DOCK4: variants seen among roughly 807,000 people sequenced by gnomAD.
DOCK4 encodes the protein dedicator of cytokinesis 4.
Under a neutral mutation model 268.1 loss-of-function variants are expected in DOCK4, and 97 were observed. The observed-to-expected ratio is 0.36, with a 90% CI of 0.31 to 0.43. DOCK4 has a LOEUF of 0.43. Among genes scored for constraint, DOCK4 ranks in the 20% least tolerant of loss-of-function variants. DOCK4 has a pLI of 1.00. For missense variants in DOCK4, 2,145 were observed against 2,455.7 expected, an observed-to-expected ratio of 0.87 and a Z score of 2.67; for synonymous variants, 954 against 887.2, an observed-to-expected ratio of 1.08 and a Z score of -1.34.
chr7:111,849,170 G>A (rs925224979), intron 23 of DOCK4, among the ~76,000 whole-genome samples: 9 of 151,406 alleles, frequency 5.9e-5, no homozygotes, highest in Admixed American at 3.3e-4. Context: ...CGAATTCTTT[G>A]TTCAGAATGC....
intron 5 of DOCK4, among the ~76,000 whole-genome samples, chr7:111,993,536 A>T (rs1799698248): frequency 6.6e-6 from 1 of 152,128 alleles, no homozygotes; most frequent in South Asian, 2.1e-4. Flanking sequence ...TGTGATCATC[A>T]TTATTATTTC....
chr7:111,873,364 G>A (rs1441611988), intron 17 of DOCK4, among the ~76,000 whole-genome samples: 1 of 152,212 alleles, frequency 6.6e-6, no homozygotes, highest in African/African-American at 2.4e-5. Flanking sequence ...AGTCTCCAAC[G>A]CATGCAGGGA....
Position 111,758,769 on chromosome 7 carries a change from G to A in DOCK4, c.4184C>T (p.Thr1395Ile), listed in dbSNP as rs1192444310. 1.9e-6 allele frequency: 3 copies of A among 1,613,770 alleles called. No homozygotes were observed. The African/African-American group carries it at 4.0e-5, about 22-fold the overall frequency. The change falls in exon 41 of 53, where the codon ACT becomes ATT. Residue 1395 changes from threonine (T) to isoleucine (I), a missense_variant. Thr to Ile is a moderately conservative substitution (Grantham distance 89). Coordinates refer to ENST00000428084, the MANE Select transcript of DOCK4 (RefSeq NM_001363540.2). The part of the protein sequence containing the change: ...EAQYLQIYAV[T>I]PIPESQEVLQ... ...GACCTCCTGGCTCTCTGGAATGGGA[G>A]TCACAGCATATATCTGCAAATCTAG...
intron 26 of DOCK4, among the ~76,000 whole-genome samples, chr7:111,830,866 T>C (rs1185292083): frequency 6.6e-6 from 1 of 151,908 alleles, no homozygotes; most frequent in Non-Finnish European, 1.5e-5. Flanking sequence ...GCCCATCAGG[T>C]TCACCAACAA....
At chr7:112,195,996 TCTCCC>T (rs1820390599) in intron 1 of DOCK4, among the ~76,000 whole-genome samples, 1 of 152,220 alleles carries the variant, frequency 6.6e-6, no homozygotes, top group East Asian at 1.9e-4. Context: ...AATGTCATGC[TCTCCC>T]CTCTTCCTCA....
intron 26 of DOCK4, among the ~76,000 whole-genome samples, chr7:111,832,983 A>C (rs1016241324): frequency 1.3e-5 from 2 of 152,238 alleles, no homozygotes; most frequent in Admixed American, 1.3e-4. Flanking sequence ...CTGGATAATT[A>C]GTCATGTCTT....
At chr7:112,173,790 G>A (rs939177591) in intron 1 of DOCK4, among the ~76,000 whole-genome samples, 6 of 152,116 alleles carry the variant, frequency 3.9e-5, no homozygotes, top group Non-Finnish European at 8.8e-5. Context: ...ATTCCACGTG[G>A]AAAATAGCCA....
intron 16 of DOCK4, among the ~76,000 whole-genome samples, chr7:111,890,127 C>T (rs1808172303): frequency 6.6e-6 from 1 of 152,186 alleles, no homozygotes; most frequent in Admixed American, 6.5e-5. Context: ...TCCTAGGCCC[C>T]TCTTTTTGGA....
At chr7:111,956,306 A>C (rs918210004) in intron 8 of DOCK4, among the ~76,000 whole-genome samples, 8 of 152,342 alleles carry the variant, frequency 5.3e-5, no homozygotes, top group African/African-American at 1.9e-4. Flanking sequence ...TTTCTTAAAA[A>C]GGCAGAAAAG....
chr7:111,755,468 GAAC>G (rs1796959736), intron 42 of DOCK4, 44 bp downstream of exon 42: 11 of 1,573,818 alleles, frequency 7.0e-6, no homozygotes, highest in Non-Finnish European at 9.6e-6. Context: ...AACTCCAAGT[GAAC>G]AACTGTGATG....
rs551718333 is a variant in DOCK4 at position 111,815,726 on chromosome 7, C to G, written c.2931-3777G>C. Among the ~76,000 whole-genome samples, 3 of 144,166 alleles carry G rather than the reference C, an allele frequency of 2.1e-5. No individual in the cohort carries two copies. In the Admixed American group the frequency reaches 2.2e-4, roughly 10 times the overall value. 94.6% of individuals were successfully genotyped at this position (144,166 alleles called of 152,430 possible). A position where few individuals can be genotyped will look rare whatever the true frequency, so the allele number is the denominator to read the frequency against. On this transcript the variant is annotated intron_variant, in intron 27 of 52. Coordinates refer to ENST00000428084, the MANE Select transcript of DOCK4 (RefSeq NM_001363540.2). ...TCTCCCTGTCACCCAGGCTGGAGTG[C>G]AGTGGTGTGATCTCTGCTCACTGCA...
At position 111,728,565 on chromosome 7, in the gene DOCK4, A is replaced by G. The variant is rs368025348; in HGVS notation, c.5637T>C (p.Asn1879=). ...SETSGFENQV[N]EQSAPLPVPV... ...GCACCGGCAGGGGGGCCGACTGTTCATTCACCTGATTTTCAAAGCCTGAGG... is the reference window on the plus strand; with the variant it reads ...GCACCGGCAGGGGGGCCGACTGTTCGTTCACCTGATTTTCAAAGCCTGAGG... The change falls in exon 53 of 53, where the codon AAT becomes AAC. Residue 1879 remains asparagine, a synonymous_variant. Coordinates refer to ENST00000428084, the MANE Select transcript of DOCK4 (RefSeq NM_001363540.2). The G allele has an allele frequency of 4.3e-6, 7 of 1,613,848 alleles. No homozygotes were observed. The highest frequency in any genetic ancestry group is 5.1e-6 in the Non-Finnish European group (6 of 1,179,902).
chr7:111,984,723 G>A (rs1798916991), intron 6 of DOCK4, among the ~76,000 whole-genome samples: 1 of 152,180 alleles, frequency 6.6e-6, no homozygotes, highest in African/African-American at 2.4e-5. Flanking sequence ...CTTCCACACT[G>A]GAGTGAATGG....
At chr7:111,976,946 G>C (rs1798251362) in intron 8 of DOCK4, 186 bp downstream of exon 8, 1 of 560,104 alleles carries the variant, frequency 1.8e-6, no homozygotes, top group African/African-American at 1.9e-5. Context: ...AAAGAATGCT[G>C]CATTCATCAT....
chr7:111,902,072 C>T (rs1791194340), intron 13 of DOCK4, among the ~76,000 whole-genome samples: 1 of 152,250 alleles, frequency 6.6e-6, no homozygotes, highest in East Asian at 1.9e-4. Context: ...ATTGTCAAGT[C>T]TCACCATTTT....
At chr7:111,937,169 C>T (rs1794810142) in intron 11 of DOCK4, among the ~76,000 whole-genome samples, 1 of 152,182 alleles carries the variant, frequency 6.6e-6, no homozygotes, top group Non-Finnish European at 1.5e-5. Flanking sequence ...CTTCCAGGCT[C>T]AGGCAGGCAT....
intron 1 of DOCK4, among the ~76,000 whole-genome samples, chr7:112,074,184 G>C (rs565964997): frequency 6.6e-6 from 1 of 152,214 alleles, no homozygotes; most frequent in African/African-American, 2.4e-5. Flanking sequence ...AAATAATTTG[G>C]GTTAAATATC....
intron 30 of DOCK4, among the ~76,000 whole-genome samples, chr7:111,804,913 T>C (rs1290501797): frequency 6.6e-6 from 1 of 152,198 alleles, no homozygotes. Flanking sequence ...ATGTACATTT[T>C]ATTTGTATTT....
intron 25 of DOCK4, among the ~76,000 whole-genome samples, chr7:111,841,177 ATT>A (rs1803663087): frequency 2.6e-5 from 4 of 151,840 alleles, no homozygotes; most frequent in Admixed American, 6.6e-5. Context: ...TTATTTATTT[ATT>A]TATGAGACAG....
Sources: gnomAD v4.1 joint callset for allele counts (sites outside exome capture counted in the v4.1 genomes callset) on GRCh38, gnomAD v4.1.1 for gene constraint, MANE v1.5 for transcripts, NCBI Gene and HGNC (gene_info 2026-07-23, HGNC 2026-07-21) for gene names.